The following PTPRD variants were observed in gnomAD, a reference collection of about 807,000 sequenced individuals.
PTPRD encodes the protein receptor-type tyrosine-protein phosphatase delta.
PTPRD carries 34 observed loss-of-function variants against 214.5 expected under a neutral mutation model. That is an observed-to-expected ratio of 0.16 (90% confidence interval 0.12 to 0.21). The LOEUF (loss-of-function observed/expected upper bound fraction) is 0.21. Ranked by LOEUF, PTPRD falls within the 10% of genes least tolerant of loss-of-function variation. PTPRD has a pLI of 1.00. For missense variants in PTPRD, 2,545 were observed against 2,398.7 expected (o/e 1.06, Z -1.27); for synonymous variants, 1,128 against 845.7 (o/e 1.33, Z -5.79).
At chr9:9,702,647 A>G (rs902268117) in intron 7 of PTPRD, among the ~76,000 whole-genome samples, 11 of 152,212 alleles carry the variant, frequency 7.2e-5, no homozygotes, top group Non-Finnish European at 1.3e-4. Flanking sequence ...ATATTTCAGA[A>G]AAACGTGTTT....
intron 9 of PTPRD, among the ~76,000 whole-genome samples, chr9:9,347,061 G>T (rs72698869): frequency 6.6e-6 from 1 of 151,910 alleles, no homozygotes; most frequent in Non-Finnish European, 1.5e-5. Context: ...TAACACTTTG[G>T]GAAGCCAATG....
intron 2 of PTPRD, among the ~76,000 whole-genome samples, chr9:10,428,257 T>G (rs1448002651): frequency 1.3e-5 from 2 of 152,036 alleles, no homozygotes; most frequent in Non-Finnish European, 2.9e-5. Flanking sequence ...AGACAGATGT[T>G]GCAGCGAGCT....
intron 10 of PTPRD, among the ~76,000 whole-genome samples, chr9:9,086,193 T>C (rs1203277942): frequency 6.6e-6 from 1 of 152,190 alleles, no homozygotes; most frequent in Non-Finnish European, 1.5e-5. Context: ...AGATGACTTT[T>C]GAAAATATTC....
intron 3 of PTPRD, among the ~76,000 whole-genome samples, chr9:10,043,988 G>C (rs2097344362): frequency 6.6e-6 from 1 of 151,744 alleles, no homozygotes; most frequent in African/African-American, 2.4e-5. Flanking sequence ...CAAAAGCTCA[G>C]AATTTGTAAC....
chr9:9,585,231 C>T (rs961006727), intron 7 of PTPRD, among the ~76,000 whole-genome samples: 1 of 152,036 alleles, frequency 6.6e-6, no homozygotes, highest in Non-Finnish European at 1.5e-5. Flanking sequence ...CAGTAGCAGA[C>T]ATAATGCCTA....
chr9:9,778,171 G>C (rs1290513547), intron 5 of PTPRD, among the ~76,000 whole-genome samples: 1 of 152,210 alleles, frequency 6.6e-6, no homozygotes, highest in East Asian at 1.9e-4. Context: ...TGACATTGAA[G>C]GCAAGGCTGA....
At chr9:9,613,983 C>A (rs2094697086) in intron 7 of PTPRD, among the ~76,000 whole-genome samples, 1 of 152,162 alleles carries the variant, frequency 6.6e-6, no homozygotes, top group African/African-American at 2.4e-5. Flanking sequence ...AGTCTCCTCA[C>A]GGTCCTCATC....
At chr9:9,355,974 C>T (rs1314158688) in intron 9 of PTPRD, among the ~76,000 whole-genome samples, 1 of 151,222 alleles carries the variant, frequency 6.6e-6, no homozygotes, top group African/African-American at 2.4e-5. Context: ...TAAGATTAAA[C>T]AAAATGGGTC....
intron 37 of PTPRD, among the ~76,000 whole-genome samples, chr9:8,382,183 T>A (rs2085312311): frequency 1.3e-5 from 2 of 152,214 alleles, no homozygotes; most frequent in African/African-American, 4.8e-5. Context: ...AGTTCAATAT[T>A]TTAACAACCA....
chr9:10,264,994 T>C (rs10958986), intron 3 of PTPRD, among the ~76,000 whole-genome samples: 58,733 of 151,980 alleles, frequency 0.39, 13,182 homozygotes, highest in Non-Finnish European at 0.51. Flanking sequence ...CCTGACACCA[T>C]GTTTGACATG....
At chr9:9,894,935 A>C (rs1409145267) in intron 5 of PTPRD, among the ~76,000 whole-genome samples, 1 of 152,088 alleles carries the variant, frequency 6.6e-6, no homozygotes, top group Non-Finnish European at 1.5e-5. Flanking sequence ...AACTCTAAGA[A>C]CAAAAGAGCC....
At chr9:9,584,673 T>A (rs191707830) in intron 7 of PTPRD, among the ~76,000 whole-genome samples, 1 of 152,050 alleles carries the variant, frequency 6.6e-6, no homozygotes, top group East Asian at 1.9e-4. Flanking sequence ...AGAAAGGATC[T>A]CTCTCCTCCT....
intron 11 of PTPRD, among the ~76,000 whole-genome samples, chr9:8,790,750 C>T (rs1289445616): frequency 6.8e-6 from 1 of 146,788 alleles, no homozygotes; most frequent in African/African-American, 2.5e-5. Flanking sequence ...TGTATATTTG[C>T]TTAGTATGTA....
At chr9:10,430,412 C>A (rs2098666714) in intron 2 of PTPRD, among the ~76,000 whole-genome samples, 1 of 151,596 alleles carries the variant, frequency 6.6e-6, no homozygotes, top group Non-Finnish European at 1.5e-5. Context: ...GAGTATGCCT[C>A]TCTATATACA....
At chr9:8,756,794 A>G (rs376653933) in intron 11 of PTPRD, among the ~76,000 whole-genome samples, 1 of 152,126 alleles carries the variant, frequency 6.6e-6, no homozygotes, top group East Asian at 1.9e-4. Flanking sequence ...TTAAGTAGTT[A>G]GAAAGAAATT....
At chr9:9,527,180 TA>T (rs2074323484) in intron 8 of PTPRD, among the ~76,000 whole-genome samples, 1 of 152,204 alleles carries the variant, frequency 6.6e-6, no homozygotes, top group Admixed American at 6.5e-5. Context: ...ATGAAAGGAA[TA>T]TAGATTACTA....
At chr9:8,440,319 ATTT>A (rs34426609) in intron 34 of PTPRD, among the ~76,000 whole-genome samples, 4 of 145,950 alleles carry the variant, frequency 2.7e-5, no homozygotes, top group Admixed American at 6.8e-5. Context: ...GAAATGTATT[ATTT>A]TTTTTTTTTT....
intron 10 of PTPRD, among the ~76,000 whole-genome samples, chr9:9,181,850 T>A (rs189635452): frequency 4.4e-4 from 67 of 152,156 alleles, no homozygotes; most frequent in Non-Finnish European, 8.2e-4. Flanking sequence ...GGAACATCAC[T>A]TGTATGATTA....
Position 8,523,536 on chromosome 9 carries a change from A to T in PTPRD, c.680-12T>A, listed in dbSNP as rs1337998157. 1 of 1,613,150 alleles carries T rather than the reference A, an allele frequency of 6.2e-7. No individual in the cohort carries two copies. Among genetic ancestry groups the T allele is most frequent in the South Asian group, 1.1e-5 (1 of 91,008 alleles). On this transcript the variant is annotated splice_polypyrimidine_tract_variant and intron_variant, in intron 18 of 45. Transcript: ENST00000381196. ...ACCTTCTCGCAGCTCTGAGGGATGT[A>T]GGGGGTTTGATGCAGAACACAATGA...
Sources: allele counts gnomAD v4.1 joint callset (sites outside exome capture counted in the v4.1 genomes callset), GRCh38; gene constraint gnomAD v4.1.1; transcripts MANE v1.5; gene names NCBI Gene and HGNC (gene_info 2026-07-23, HGNC 2026-07-21).